Variants in FSTL4 observed in about 807,000 individuals in gnomAD.
FSTL4 encodes the protein follistatin like 4.
A neutral mutation model predicts 78.2 loss-of-function variants in FSTL4; 28 were observed. That is an observed-to-expected ratio of 0.36 (90% CI 0.27 to 0.49). The LOEUF (loss-of-function observed/expected upper bound fraction) is 0.49. Ranked by LOEUF, FSTL4 falls within the 20% of genes least tolerant of loss-of-function variation. The probability of loss-of-function intolerance (pLI) is 0.98; values close to 1 mark genes in which losing one functional copy is unlikely to be tolerated. For missense variants in FSTL4, 922 were observed against 1,084.9 expected, an observed-to-expected ratio of 0.85 and a Z score of 2.11; for synonymous variants, 422 against 440.5, an observed-to-expected ratio of 0.96 and a Z score of 0.53.
chr5:133,224,180 A>G lies in FSTL4; in HGVS notation c.1339+10T>C, dbSNP rs753107306. On this transcript the variant is annotated intron_variant, in intron 11 of 15. Coordinates refer to ENST00000265342, the MANE Select transcript of FSTL4 (RefSeq NM_015082.2). ...TCACAGGCATGACGCAAAACAATGAAGCTTGGTACCTTCCTCTCGCCACAG... is the reference window on the plus strand; with the variant it reads ...TCACAGGCATGACGCAAAACAATGAGGCTTGGTACCTTCCTCTCGCCACAG... The G allele has an allele frequency of 3.7e-6, 6 of 1,611,160 alleles. No homozygotes were observed. The East Asian group carries it at 1.3e-4, about 36-fold the overall frequency.
At chr5:133,739,156 G>C in the FSTL4 span, among the ~76,000 whole-genome samples, 3 of 152,006 alleles carry the variant, frequency 2.0e-5, no homozygotes, top group African/African-American at 4.8e-5. Context: ...ATTCCTATTA[G>C]ACTCAACTCT....
At position 133,245,605 on chromosome 5, in the gene FSTL4, T is replaced by C. The variant is rs528962283; in HGVS notation, c.894+3805A>G. ...AACAGTTGTTAGTGGTTACTTCGCC[T>C]CCCTGGAGGCTGCGGACAGTGTCTT... is the stretch of plus-strand genomic sequence containing the variant. On this transcript the variant is annotated intron_variant, in intron 7 of 15. Coordinates refer to ENST00000265342, the MANE Select transcript of FSTL4 (RefSeq NM_015082.2). Among the ~76,000 whole-genome samples the C allele has an allele frequency of 2.6e-5, 4 of 152,358 alleles. No individual in the cohort carries two copies. The East Asian group carries it at 5.8e-4, about 22-fold the overall frequency.
intron 3 of FSTL4, among the ~76,000 whole-genome samples, chr5:133,555,418 G>T (rs569623247): frequency 6.6e-6 from 1 of 152,090 alleles, no homozygotes; most frequent in East Asian, 1.9e-4. Flanking sequence ...TGTGTGACCC[G>T]GGGCAAGTCC....
At chr5:133,739,623 G>C in the FSTL4 span, among the ~76,000 whole-genome samples, 1 of 152,188 alleles carries the variant, frequency 6.6e-6, no homozygotes. Flanking sequence ...ATCTTCAAGG[G>C]TCCTCAGGAA....
At chr5:133,687,847 GCA>G in the FSTL4 span, among the ~76,000 whole-genome samples, 1 of 152,316 alleles carries the variant, frequency 6.6e-6, no homozygotes, top group East Asian at 1.9e-4. Context: ...CATGGCTATT[GCA>G]CACAGTGTCA....
At chr5:133,522,849 C>T (rs1397152889) in intron 3 of FSTL4, among the ~76,000 whole-genome samples, 1 of 152,194 alleles carries the variant, frequency 6.6e-6, no homozygotes, top group Non-Finnish European at 1.5e-5. Flanking sequence ...TCACATATTT[C>T]AATGTTTTCT....
chr5:133,828,194 G>A, the FSTL4 span, among the ~76,000 whole-genome samples: 2 of 152,078 alleles, frequency 1.3e-5, no homozygotes, highest in African/African-American at 4.8e-5. Context: ...TGAGCTGGTG[G>A]GTCTGGTGGC....
chr5:133,734,823 C>G, the FSTL4 span, among the ~76,000 whole-genome samples: 538 of 152,280 alleles, frequency 3.5e-3, 4 homozygotes, highest in African/African-American at 0.013. Flanking sequence ...TCCTGGTTAT[C>G]CGTGTGTCAG....
At chr5:133,540,209 T>C (rs1651773) in intron 3 of FSTL4, among the ~76,000 whole-genome samples, 63,424 of 151,754 alleles carry the variant, frequency 0.42, 13,699 homozygotes, top group African/African-American at 0.52. Flanking sequence ...TTGCAAGAGA[T>C]AATTCCTTAA....
chr5:133,340,161 A>G (rs1162267012), intron 4 of FSTL4, among the ~76,000 whole-genome samples: 1 of 152,088 alleles, frequency 6.6e-6, no homozygotes. Flanking sequence ...TCATTTCCTC[A>G]TCTGTCAAAT....
intron 4 of FSTL4, among the ~76,000 whole-genome samples, chr5:133,374,228 T>A (rs1275445425): frequency 6.6e-6 from 1 of 152,216 alleles, no homozygotes; most frequent in South Asian, 2.1e-4. Context: ...TACAGGTGGT[T>A]AGATGTGCAA....
the FSTL4 span, among the ~76,000 whole-genome samples, chr5:133,762,031 TG>T: frequency 6.6e-6 from 1 of 152,160 alleles, no homozygotes; most frequent in Non-Finnish European, 1.5e-5. Context: ...GCTAAGAAAC[TG>T]TGCAATTTTA....
chr5:133,684,106 G>C, the FSTL4 span, among the ~76,000 whole-genome samples: 1 of 152,230 alleles, frequency 6.6e-6, no homozygotes, highest in Non-Finnish European at 1.5e-5. Flanking sequence ...GAACAGGCGA[G>C]AGAGAGAAGT....
At chr5:133,805,622 G>C in the FSTL4 span, among the ~76,000 whole-genome samples, 1 of 152,210 alleles carries the variant, frequency 6.6e-6, no homozygotes, top group African/African-American at 2.4e-5. Context: ...GTGTATGAGT[G>C]CTGAAATTAG....
chr5:133,392,361 G>C (rs1316616458), intron 4 of FSTL4, among the ~76,000 whole-genome samples: 1 of 152,152 alleles, frequency 6.6e-6, no homozygotes, highest in East Asian at 1.9e-4. Context: ...AAGAGAAGGA[G>C]GGATCTACGG....
the FSTL4 span, among the ~76,000 whole-genome samples, chr5:133,678,312 A>G: frequency 6.6e-6 from 1 of 152,222 alleles, no homozygotes; most frequent in Non-Finnish European, 1.5e-5. Flanking sequence ...GTTGTAATAA[A>G]TAATTCAAGC....
chr5:133,634,531 T>A, the FSTL4 span, among the ~76,000 whole-genome samples: 2 of 152,126 alleles, frequency 1.3e-5, no homozygotes, highest in African/African-American at 4.8e-5. Flanking sequence ...CCCTAATGAG[T>A]CTGACTTCTT....
chr5:133,748,721 G>T, the FSTL4 span, among the ~76,000 whole-genome samples: 10 of 152,190 alleles, frequency 6.6e-5, no homozygotes, highest in Non-Finnish European at 1.5e-4. Flanking sequence ...AGTCAGCCCT[G>T]AAGTGTTTCT....
At chr5:133,456,153 G>C (rs528240844) in intron 3 of FSTL4, among the ~76,000 whole-genome samples, 2 of 152,350 alleles carry the variant, frequency 1.3e-5, no homozygotes, top group East Asian at 3.9e-4. Context: ...TAGGACCCCA[G>C]GGACTCTTGG....
Sources: allele counts gnomAD v4.1 joint callset (sites outside exome capture counted in the v4.1 genomes callset), GRCh38; gene constraint gnomAD v4.1.1; transcripts MANE v1.5; gene names NCBI Gene and HGNC (gene_info 2026-07-23, HGNC 2026-07-21).